The following TTC28 variants were observed in gnomAD, a reference collection of about 807,000 sequenced individuals.
The protein encoded by TTC28 is tetratricopeptide repeat domain 28.
In TTC28, 61 loss-of-function variants were observed where a neutral mutation model predicts 198.0. That is an observed-to-expected ratio of 0.31 (90% CI 0.25 to 0.38). The LOEUF (loss-of-function observed/expected upper bound fraction) is 0.38, where lower values mean the gene tolerates loss of function less well. Among genes scored for constraint, TTC28 ranks in the 10% least tolerant of loss-of-function variants. TTC28 has a pLI of 1.00. For missense variants in TTC28, 2,678 were observed against 3,164.0 expected (o/e 0.85, Z 3.69); for synonymous variants, 1,171 against 1,297.8 (o/e 0.90, Z 2.10).
intron 2 of TTC28, among the ~76,000 whole-genome samples, chr22:28,413,289 T>A (rs1404657689): frequency 6.6e-6 from 1 of 151,656 alleles, no homozygotes; most frequent in Non-Finnish European, 1.5e-5. Flanking sequence ...CAAAAAAAAA[T>A]TAGCTGGGCG....
chr22:28,363,397 T>C (rs192126308), intron 2 of TTC28, among the ~76,000 whole-genome samples: 18 of 152,318 alleles, frequency 1.2e-4, no homozygotes, highest in Admixed American at 1.0e-3. Context: ...AGAGGATATA[T>C]GGAAACACCT....
chr22:28,071,748 G>GAAAAAAAAAAAAAAAAAAAAAAAAAC (rs371615737), intron 12 of TTC28, among the ~76,000 whole-genome samples: 1 of 91,134 alleles, frequency 1.1e-5, no homozygotes, highest in Non-Finnish European at 2.3e-5. Context: ...AAAAAAAAAG[G>GAAAAAAAAAAAAAAAAAAAAAAAAAC]AAAAAAAAAA....
At chr22:28,663,234 C>A (rs1177044605) in intron 1 of TTC28, among the ~76,000 whole-genome samples, 1 of 142,484 alleles carries the variant, frequency 7.0e-6, no homozygotes, top group South Asian at 2.2e-4. Context: ...GGAGACAGAG[C>A]GAAACTCCGT....
chr22:28,387,382 T>C (rs1052093453), intron 2 of TTC28, among the ~76,000 whole-genome samples: 2 of 152,238 alleles, frequency 1.3e-5, no homozygotes, highest in Admixed American at 6.5e-5. Flanking sequence ...CTGGGTCAAA[T>C]GCTATTTCTA....
intron 5 of TTC28, among the ~76,000 whole-genome samples, chr22:28,196,877 T>C (rs1208446736): frequency 6.6e-6 from 1 of 152,120 alleles, no homozygotes; most frequent in Non-Finnish European, 1.5e-5. Flanking sequence ...TCCTCAGGGA[T>C]CTAGAACTAG....
At chr22:28,187,176 A>G (rs1924278292) in intron 5 of TTC28, among the ~76,000 whole-genome samples, 1 of 152,190 alleles carries the variant, frequency 6.6e-6, no homozygotes, top group South Asian at 2.1e-4. Context: ...TCATTGAGCA[A>G]GAGTGAGAGG....
chr22:28,106,981 T>G, intron 7 of TTC28, 81 bp downstream of exon 7: 1 of 1,465,430 alleles, frequency 6.8e-7, no homozygotes, highest in East Asian at 2.5e-5. Flanking sequence ...CAAACTGCCA[T>G]GCAGACACGA....
At position 28,590,034 on chromosome 22, in the gene TTC28, C is replaced by CAAAAAAAA. The variant is rs71194779; in HGVS notation, c.381+39510_381+39517dup. On this transcript the variant is annotated intron_variant, in intron 2 of 22. Coordinates refer to ENST00000397906, the MANE Select transcript of TTC28 (RefSeq NM_001145418.2). ...CCTGGGCAACAGAACAAGACTCCAT[C>CAAAAAAAA]AAAAAAAAAAAAAAAAAAAAAAAAA... Among the ~76,000 whole-genome samples, 45 of 68,028 alleles carry CAAAAAAAA rather than the reference C, an allele frequency of 6.6e-4. 4 individuals carry two copies. Among genetic ancestry groups the CAAAAAAAA allele is most frequent in the African/African-American group, 2.5e-3 (24 of 9,740 alleles). 44.6% of individuals were successfully genotyped at this position (68,028 alleles called of 152,430 possible).
chr22:28,494,664 T>G (rs150332284), intron 2 of TTC28, among the ~76,000 whole-genome samples: 1 of 152,150 alleles, frequency 6.6e-6, no homozygotes, highest in African/African-American at 2.4e-5. Flanking sequence ...AATTCATGAA[T>G]TGTCAAACTC....
At chr22:28,059,072 A>G (rs1940407053) in intron 12 of TTC28, among the ~76,000 whole-genome samples, 1 of 151,710 alleles carries the variant, frequency 6.6e-6, no homozygotes, top group African/African-American at 2.4e-5. Context: ...TAATTTTTCA[A>G]TATTGTTTCT....
chr22:28,636,127 A>ATTTTTTTTTTTT (rs71316851), intron 1 of TTC28, among the ~76,000 whole-genome samples: 4 of 65,736 alleles, frequency 6.1e-5, no homozygotes, highest in Admixed American at 5.6e-4. Flanking sequence ...AAATGTCAGG[A>ATTTTTTTTTTTT]TTTTTTTTTT....
chr22:27,999,688 A>C lies in TTC28; in HGVS notation c.4399-428T>G, dbSNP rs1937621223. On this transcript the variant is annotated intron_variant, in intron 15 of 22. Coordinates refer to ENST00000397906, the MANE Select transcript of TTC28 (RefSeq NM_001145418.2). ...GTGATTTTGTTTAAATGGTGCAAAC[A>C]AGCAAGCCAATCTTGGGGAGACAGG... 4.2e-5 allele frequency: 7 copies of C among 167,992 alleles called. No homozygotes were observed. The South Asian group carries it at 1.2e-3, about 29-fold the overall frequency. The allele number at this position is 167,992 out of a possible 1,614,324, so 10.4% of individuals were successfully genotyped here. A position where few individuals can be genotyped will look rare whatever the true frequency, so the allele number is the denominator to read the frequency against.
At chr22:28,270,759 G>A (rs953096395) in intron 5 of TTC28, among the ~76,000 whole-genome samples, 35 of 152,266 alleles carry the variant, frequency 2.3e-4, no homozygotes, top group Admixed American at 2.0e-3. Flanking sequence ...GTCAGCCAGA[G>A]CCAGTGGCAC....
At chr22:28,416,612 A>G (rs969976305) in intron 2 of TTC28, among the ~76,000 whole-genome samples, 2 of 152,128 alleles carry the variant, frequency 1.3e-5, no homozygotes, top group African/African-American at 4.8e-5. Context: ...TACTGCTTCA[A>G]TAAAACATGA....
chr22:28,101,100 A>G (rs1942134789), intron 9 of TTC28, 71 bp downstream of exon 9: 3 of 1,176,784 alleles, frequency 2.5e-6, no homozygotes, highest in Non-Finnish European at 3.7e-6. Context: ...CATCACTACT[A>G]GGACAGTAAT....
chr22:28,001,103 C>G, intron 15 of TTC28: 1 of 395,718 alleles, frequency 2.5e-6, no homozygotes, highest in Non-Finnish European at 4.7e-6. Flanking sequence ...CAGAGCAGCT[C>G]CGTACCCTGA....
At chr22:28,537,054 G>A (rs995691161) in intron 2 of TTC28, among the ~76,000 whole-genome samples, 19 of 151,896 alleles carry the variant, frequency 1.3e-4, no homozygotes, top group Non-Finnish European at 2.2e-4. Flanking sequence ...AGCACTTCGG[G>A]AGGCCGAGGC....
chr22:28,000,201 C>T (rs990873972), intron 15 of TTC28: 1 of 152,208 alleles, frequency 6.6e-6, no homozygotes, highest in African/African-American at 2.4e-5. Flanking sequence ...AAAATAACTT[C>T]TTTCACTTTG....
intron 5 of TTC28, among the ~76,000 whole-genome samples, chr22:28,214,266 T>C (rs1047705372): frequency 5.9e-5 from 9 of 151,684 alleles, no homozygotes; most frequent in Admixed American, 2.6e-4. Flanking sequence ...GCAACAAAAG[T>C]CAAAATTGAC....
Sources: gnomAD v4.1 joint callset for allele counts (sites outside exome capture counted in the v4.1 genomes callset) on GRCh38, gnomAD v4.1.1 for gene constraint, MANE v1.5 for transcripts, NCBI Gene and HGNC (gene_info 2026-07-23, HGNC 2026-07-21) for gene names.